Variants in NRDC observed in about 807,000 individuals in gnomAD.
The protein encoded by NRDC is nardilysin.
Under a neutral mutation model 147.1 loss-of-function variants are expected in NRDC, and 54 were observed. That is an observed-to-expected ratio of 0.37 (90% confidence interval 0.29 to 0.46). The LOEUF (loss-of-function observed/expected upper bound fraction) is 0.46, where lower values mean the gene tolerates loss of function less well. Ranked by LOEUF, NRDC falls within the 20% of genes least tolerant of loss-of-function variation. The probability of loss-of-function intolerance (pLI) is 1.00; values close to 1 mark genes in which losing one functional copy is unlikely to be tolerated. For missense variants in NRDC, 1,082 were observed against 1,370.6 expected (o/e 0.79, Z 3.33); for synonymous variants, 440 against 482.1 (o/e 0.91, Z 1.14).
At chr1:51,827,717 G>A in intron 5 of NRDC, 79 bp downstream of exon 5, 1 of 1,071,786 alleles carries the variant, frequency 9.3e-7, no homozygotes, top group Non-Finnish European at 1.4e-6. Context: ...ATGGTCTAGA[G>A]ATAAAGAAGG....
intron 1 of NRDC, among the ~76,000 whole-genome samples, chr1:51,869,532 G>C (rs1682982347): frequency 6.6e-6 from 1 of 152,064 alleles, no homozygotes; most frequent in African/African-American, 2.4e-5. Context: ...TTTGCCACTA[G>C]TTTTCATTCA....
At position 51,803,927 on chromosome 1, in the gene NRDC, G is replaced by A. The variant is rs763472980; in HGVS notation, c.2200C>T (p.His734Tyr). 63 of 1,612,112 alleles carry A rather than the reference G, an allele frequency of 3.9e-5. No homozygotes were observed. Among genetic ancestry groups the A allele is most frequent in the Non-Finnish European group, 4.7e-5 (56 of 1,179,072 alleles). ...TCATAAGCTGGTTCCGCAAGGTTAT[G>A]CGTAAGGATATTGACAAAGATATCA... ...LFDIFVNILT[H>Y]NLAEPAYEAD... Residue 734 changes from histidine (H) to tyrosine (Y), a missense_variant, in exon 20 of 31, where the codon CAT becomes TAT. Physicochemically the swap from His to Tyr is moderately conservative, Grantham distance 83. Around this residue, in one of 3 missense-constraint regions of NRDC, gnomAD observed 635 missense variants for 923.8 expected, o/e 0.69. Transcript: ENST00000352171.
At chr1:51,838,459 T>C (rs560382563) in intron 2 of NRDC, among the ~76,000 whole-genome samples, 1 of 152,304 alleles carries the variant, frequency 6.6e-6, no homozygotes, top group South Asian at 2.1e-4. Context: ...TTTAAATGCT[T>C]TGTCAGTTAA....
intron 21 of NRDC, 28 bp from the exon 22 acceptor site, chr1:51,798,439 C>CAA (rs780727629): frequency 6.5e-7 from 1 of 1,547,906 alleles, no homozygotes; most frequent in Non-Finnish European, 8.8e-7. Context: ...AAAAAACACT[C>CAA]AAAGTTTTGT....
At chr1:51,806,645 G>A (rs1237681942) in intron 18 of NRDC, 149 bp downstream of exon 18, 2 of 664,488 alleles carry the variant, frequency 3.0e-6, no homozygotes, top group South Asian at 2.1e-5. Flanking sequence ...GAGGGTGAGA[G>A]GGCATCAAGG....
intron 1 of NRDC, among the ~76,000 whole-genome samples, chr1:51,842,290 ACT>A (rs1387755356): frequency 6.6e-6 from 1 of 151,912 alleles, no homozygotes. Flanking sequence ...AGGAAAGGAC[ACT>A]GTTAGCAGAT....
At chr1:51,818,483 G>T (rs1680070260) in intron 9 of NRDC, among the ~76,000 whole-genome samples, 1 of 152,166 alleles carries the variant, frequency 6.6e-6, no homozygotes, top group South Asian at 2.1e-4. Context: ...GTGCTTACAT[G>T]ACCTGAGAAA....
At chr1:51,791,726 C>T in intron 26 of NRDC, 65 bp from the exon 27 acceptor site, 3 of 1,326,550 alleles carry the variant, frequency 2.3e-6, no homozygotes, top group East Asian at 2.3e-5. Context: ...CTTGGAGGCA[C>T]TAGATAGGAG....
intron 1 of NRDC, among the ~76,000 whole-genome samples, chr1:51,848,055 G>A (rs762782717): frequency 1.2e-4 from 18 of 152,222 alleles, no homozygotes; most frequent in African/African-American, 2.2e-4. Flanking sequence ...GGAGGATCAC[G>A]TCTATAAATC....
rs79996851 is a variant in NRDC, at chr1:51,844,486, C to T, written c.342-3972G>A. Among the ~76,000 whole-genome samples the T allele has an allele frequency of 7.3e-3, 1,102 of 151,896 alleles. 13 individuals are homozygous for T. Among genetic ancestry groups the T allele is most frequent in the African/African-American group, 0.026 (1,056 of 41,410 alleles). On this transcript the variant is annotated intron_variant, in intron 1 of 30. Coordinates refer to ENST00000352171, the MANE Select transcript of NRDC (RefSeq NM_001101662.2). The stretch of plus-strand genomic sequence containing the variant: ...AAGGCCAACCGCAAGCCAGAAAGGC[C>T]TCAGAAGAAACCGAATAGGGCCGAA...
chr1:51,874,326 A>G (rs1683225658), intron 1 of NRDC, among the ~76,000 whole-genome samples: 1 of 151,862 alleles, frequency 6.6e-6, no homozygotes, highest in African/African-American at 2.4e-5. Context: ...AATGCACCAC[A>G]GCCAGGCCAG....
At chr1:51,795,965 C>G (rs1678883283) in intron 22 of NRDC, among the ~76,000 whole-genome samples, 1 of 152,036 alleles carries the variant, frequency 6.6e-6, no homozygotes, top group Admixed American at 6.6e-5. Context: ...ACTGCAGCCT[C>G]CACTTCCTGG....
chr1:51,799,620 T>G (rs1345742258), intron 21 of NRDC, among the ~76,000 whole-genome samples: 2 of 152,026 alleles, frequency 1.3e-5, no homozygotes, highest in Admixed American at 6.6e-5. Flanking sequence ...CACAAAGGGG[T>G]AGGTCTGTTC....
intron 9 of NRDC, among the ~76,000 whole-genome samples, chr1:51,819,216 C>A (rs149395794): frequency 1.1e-3 from 169 of 151,720 alleles, no homozygotes; most frequent in African/African-American, 4.1e-3. Flanking sequence ...GCAGGAGAAT[C>A]GCTTGAACCT....
chr1:51,802,760 G>A (rs974961159), intron 20 of NRDC, among the ~76,000 whole-genome samples: 3 of 152,200 alleles, frequency 2.0e-5, no homozygotes, highest in Non-Finnish European at 4.4e-5. Context: ...TTTTTGCCCA[G>A]ATGAAGGCTA....
In NRDC at chr1:51,794,597, T is replaced by C. The variant is rs1207550358; in HGVS notation, c.2650A>G (p.Lys884Glu). The change falls in exon 24 of 31, where the codon AAG becomes GAG. Residue 884 changes from lysine (K) to glutamate (E), a missense_variant. Physicochemically the swap from Lys to Glu is moderately conservative, Grantham distance 56. Around this residue, in one of 3 missense-constraint regions of NRDC, gnomAD observed 635 missense variants for 923.8 expected, o/e 0.69. Transcript: ENST00000352171. ...LKYVVDKLNF[K>E]PLEQEMPVQF... ...ACAGGCATCTCCTGCTCCAGAGGCT[T>C]GAAGTTTAGTTTGCTGCAAGAGAAT... is the stretch of plus-strand genomic sequence containing the variant. 6.2e-7 allele frequency: 1 copy of C among 1,614,032 alleles called. No homozygotes were observed. The highest frequency in any genetic ancestry group is 1.7e-5 in the Admixed American group (1 of 60,014).
rs1016800901 is a variant in NRDC, at chr1:51,817,603, G to A, written c.1361+463C>T. 5.3e-5 allele frequency among the ~76,000 whole-genome samples: 8 copies of A among 152,058 alleles called. No individual in the cohort carries two copies. In the East Asian group the frequency reaches 7.7e-4, roughly 15 times the overall value. ...TCAACCCAGGCTGGAGTGCAGTGGCGCAATATCAACTCACTGCAACCTCCA... is the reference window on the plus strand; with the variant it reads ...TCAACCCAGGCTGGAGTGCAGTGGCACAATATCAACTCACTGCAACCTCCA... On this transcript the variant is annotated intron_variant, in intron 10 of 30. Coordinates refer to ENST00000352171, the MANE Select transcript of NRDC (RefSeq NM_001101662.2).
At chr1:51,867,342 A>G (rs1682860754) in intron 1 of NRDC, among the ~76,000 whole-genome samples, 2 of 152,224 alleles carry the variant, frequency 1.3e-5, no homozygotes. Flanking sequence ...TTGTGATGAA[A>G]CATTCCAGTG....
intron 20 of NRDC, among the ~76,000 whole-genome samples, chr1:51,803,572 G>A (rs564707134): frequency 1.3e-5 from 2 of 152,068 alleles, no homozygotes; most frequent in East Asian, 1.9e-4. Context: ...TGACAGCAAA[G>A]GGAAGTGAAA....
Sources: allele counts gnomAD v4.1 joint callset (sites outside exome capture counted in the v4.1 genomes callset), GRCh38; gene constraint gnomAD v4.1.1; regional missense constraint gnomAD v4.1.1; transcripts MANE v1.5; gene names NCBI Gene and HGNC (gene_info 2026-07-23, HGNC 2026-07-21).